Variants in FBN1 observed in about 807,000 individuals in gnomAD.
FBN1 encodes the protein fibrillin 1.
Under a neutral mutation model 365.1 loss-of-function variants are expected in FBN1, and 29 were observed. That is an observed-to-expected ratio of 0.08 (90% confidence interval 0.06 to 0.11). The LOEUF is 0.11. Among genes scored for constraint, FBN1 ranks in the 10% least tolerant of loss-of-function variants. FBN1 has a pLI of 1.00. For missense variants in FBN1, 2,476 were observed against 3,703.2 expected (o/e 0.67, Z 8.60); for synonymous variants, 1,210 against 1,270.5 (o/e 0.95, Z 1.01).
At chr15:48,498,922 C>G (rs1736963095) in intron 18 of FBN1, 63 bp downstream of exon 18, 1 of 1,507,978 alleles carries the variant, frequency 6.6e-7, no homozygotes, top group African/African-American at 1.4e-5. Flanking sequence ...TGGAAACCCA[C>G]AAGAAAGCCT....
At chr15:48,479,104 C>T (rs1046991865) in intron 32 of FBN1, among the ~76,000 whole-genome samples, 1 of 152,164 alleles carries the variant, frequency 6.6e-6, no homozygotes, top group African/African-American at 2.4e-5. Flanking sequence ...TCTCTACTTA[C>T]ATTAGTTGCC....
In FBN1 at chr15:48,613,001, T is replaced by G. The variant is rs1298547542; in HGVS notation, c.247+9A>C. 8 of 1,605,618 alleles carry G rather than the reference T, an allele frequency of 5.0e-6. No individual in the cohort carries two copies. The highest frequency in any genetic ancestry group is 1.7e-4 in the Middle Eastern group (1 of 6,054). On this transcript the variant is annotated intron_variant, in intron 3 of 65. Transcript: ENST00000316623. ...GACATGCAGAATGACAAGTTTTCTA[T>G]TTACTTACGGACAATACACTGATTT...
intron 53 of FBN1, among the ~76,000 whole-genome samples, chr15:48,435,747 T>A (rs1427913867): frequency 1.0e-5 from 1 of 99,252 alleles, no homozygotes; most frequent in African/African-American, 3.0e-5. Flanking sequence ...TGTGTGTATA[T>A]ATATGTGTGT....
intron 15 of FBN1, among the ~76,000 whole-genome samples, chr15:48,506,940 G>A (rs760672888): frequency 6.6e-6 from 1 of 150,970 alleles, no homozygotes; most frequent in African/African-American, 2.5e-5. Flanking sequence ...CTCTCTCTCA[G>A]ATCCTTAAGC....
At chr15:48,462,964 T>A in intron 42 of FBN1, 118 bp downstream of exon 42, 1 of 1,035,864 alleles carries the variant, frequency 9.7e-7, no homozygotes, top group African/African-American at 1.6e-5. Flanking sequence ...TGAGCCGTTT[T>A]TTTCCCTGTA....
chr15:48,535,779 A>G (rs1363799684), intron 7 of FBN1, among the ~76,000 whole-genome samples: 1 of 152,248 alleles, frequency 6.6e-6, no homozygotes, highest in Non-Finnish European at 1.5e-5. Flanking sequence ...ATACATGATT[A>G]TATGTGGAAA....
intron 43 of FBN1, among the ~76,000 whole-genome samples, chr15:48,459,379 G>C (rs959869245): frequency 1.3e-5 from 2 of 152,166 alleles, no homozygotes; most frequent in Admixed American, 6.6e-5. Context: ...CGAGACTGTG[G>C]AGCCATATGG....
At chr15:48,443,338 T>C (rs915580314) in intron 49 of FBN1, among the ~76,000 whole-genome samples, 3 of 152,210 alleles carry the variant, frequency 2.0e-5, no homozygotes, top group Non-Finnish European at 2.9e-5. Context: ...ATTTATATTA[T>C]GGTAGAAATT....
chr15:48,612,669 C>T (rs1304369790), intron 3 of FBN1, among the ~76,000 whole-genome samples: 1 of 152,124 alleles, frequency 6.6e-6, no homozygotes, highest in Non-Finnish European at 1.5e-5. Context: ...TTTGGTAAGG[C>T]CCGTGAGTGG....
intron 6 of FBN1, among the ~76,000 whole-genome samples, chr15:48,550,274 G>A (rs2044131512): frequency 6.6e-6 from 1 of 152,176 alleles, no homozygotes; most frequent in African/African-American, 2.4e-5. Context: ...GTGCAGGAAG[G>A]GCAGAGCGTG....
intron 6 of FBN1, among the ~76,000 whole-genome samples, chr15:48,558,966 G>A (rs1356904955): frequency 6.6e-6 from 1 of 152,158 alleles, no homozygotes; most frequent in Non-Finnish European, 1.5e-5. Context: ...TCAGCTCTTT[G>A]GATTCACACT....
chr15:48,506,294 G>A (rs973208024), intron 15 of FBN1, among the ~76,000 whole-genome samples: 2 of 152,186 alleles, frequency 1.3e-5, no homozygotes, highest in African/African-American at 2.4e-5. Flanking sequence ...TACAACTAGT[G>A]TATGGGACTA....
chr15:48,605,529 A>G (rs555021259), intron 4 of FBN1, among the ~76,000 whole-genome samples: 7 of 152,234 alleles, frequency 4.6e-5, no homozygotes, highest in Non-Finnish European at 8.8e-5. Flanking sequence ...TAGAGTATAC[A>G]AAGAATTCTC....
At position 48,472,531 on chromosome 15, in the gene FBN1, G is replaced by GGGGGAGCC; in HGVS notation, c.4336+19_4336+20insGGCTCCCC. The stretch of plus-strand genomic sequence containing the variant: ...CTCATCAAGCCCAGCAAGGCTCCCA[G>GGGGGAGCC]TGGCTTCCCCATCAGTTACCTTCAC... On this transcript the variant is annotated intron_variant, in intron 35 of 65. Transcript: ENST00000316623. 1 of 1,612,018 alleles carries GGGGGAGCC rather than the reference G, an allele frequency of 6.2e-7. No homozygotes were observed. The highest frequency in any genetic ancestry group is 1.1e-5 in the South Asian group (1 of 91,000).
chr15:48,532,514 G>GTGTGTGTGTGTA (rs1437163297), intron 8 of FBN1, among the ~76,000 whole-genome samples: 1 of 151,836 alleles, frequency 6.6e-6, no homozygotes, highest in African/African-American at 2.4e-5. Flanking sequence ...GTATGTGTGT[G>GTGTGTGTGTGTA]TGTGTGTGTA....
At chr15:48,458,435 T>G (rs896566481) in intron 43 of FBN1, among the ~76,000 whole-genome samples, 1 of 152,228 alleles carries the variant, frequency 6.6e-6, no homozygotes, top group African/African-American at 2.4e-5. Flanking sequence ...CGCAATTATG[T>G]CTTTAGATCT....
Position 48,537,754 on chromosome 15 carries a change from T to C in FBN1, c.593A>G (p.Gln198Arg), listed in dbSNP as rs1311980908. 1.2e-6 allele frequency: 2 copies of C among 1,614,212 alleles called. No homozygotes were observed. Among genetic ancestry groups the C allele is most frequent in the Admixed American group, 1.7e-5 (1 of 60,030 alleles). Residue 198 changes from glutamine to arginine, a missense_variant, in exon 7 of 66, where the codon CAA becomes CGA. Physicochemically the swap from Gln to Arg is conservative, Grantham distance 43. This residue lies in a region of FBN1 where 421 missense variants were observed against 520.1 expected (regional missense o/e 0.81). Transcript: ENST00000316623. The part of the protein sequence containing the change: ...TVISNQMCQG[Q>R]LSGIVCTKTL... ...TTTTGTGCAGACAATCCCGCTGAGT[T>C]GTCCCTGGCACATCTGGTTGCTGAT...
At chr15:48,555,048 A>G (rs908027822) in intron 6 of FBN1, among the ~76,000 whole-genome samples, 3 of 152,234 alleles carry the variant, frequency 2.0e-5, no homozygotes, top group Non-Finnish European at 4.4e-5. Context: ...CACTATAGAA[A>G]TGTAAGGGCA....
intron 6 of FBN1, among the ~76,000 whole-genome samples, chr15:48,568,717 A>G (rs966007484): frequency 3.9e-5 from 6 of 152,098 alleles, no homozygotes; most frequent in Non-Finnish European, 8.8e-5. Context: ...ATTTTCAGCA[A>G]AAGTGTCAAG....
Sources: allele counts gnomAD v4.1 joint callset (sites outside exome capture counted in the v4.1 genomes callset), GRCh38; gene constraint gnomAD v4.1.1; regional missense constraint gnomAD v4.1.1; transcripts MANE v1.5; gene names NCBI Gene and HGNC (gene_info 2026-07-23, HGNC 2026-07-21).